The following CAP2 variants were observed in gnomAD, a reference collection of about 807,000 sequenced individuals.
CAP2 encodes the protein adenylyl cyclase-associated protein 2.
CAP2 carries 24 observed loss-of-function variants against 57.7 expected under a neutral mutation model. The observed-to-expected ratio is 0.42, with a 90% CI of 0.30 to 0.58. The LOEUF (loss-of-function observed/expected upper bound fraction) is 0.58. Among genes scored for constraint, CAP2 ranks in the 20% least tolerant of loss-of-function variants. The pLI is 0.22. For missense variants in CAP2, 501 were observed against 590.3 expected (o/e 0.85, Z 1.57); for synonymous variants, 194 against 207.2 (o/e 0.94, Z 0.55).
chr6:17,495,378 C>T (rs893119922), intron 4 of CAP2, among the ~76,000 whole-genome samples: 1 of 152,184 alleles, frequency 6.6e-6, no homozygotes, highest in African/African-American at 2.4e-5. Flanking sequence ...GCACAATTAT[C>T]TCATTTTATT....
chr6:17,431,795 T>G (rs1759744860), intron 3 of CAP2, among the ~76,000 whole-genome samples: 1 of 152,100 alleles, frequency 6.6e-6, no homozygotes, highest in Non-Finnish European at 1.5e-5. Flanking sequence ...CCTCTGTCTC[T>G]CAATAGCCCA....
intron 4 of CAP2, among the ~76,000 whole-genome samples, chr6:17,503,564 G>A (rs562432744): frequency 1.4e-3 from 203 of 148,682 alleles, no homozygotes; most frequent in African/African-American, 4.5e-3. Flanking sequence ...AGATCGTGCC[G>A]GTGCACTCCA....
intron 7 of CAP2, among the ~76,000 whole-genome samples, chr6:17,524,486 A>G (rs1255765457): frequency 2.0e-5 from 3 of 152,332 alleles, no homozygotes; most frequent in African/African-American, 7.2e-5. Context: ...GGTGTTAGAC[A>G]GCAGCTTCTA....
intron 3 of CAP2, among the ~76,000 whole-genome samples, chr6:17,438,431 G>GTGTTTTGTTTT (rs200676570): frequency 3.5e-5 from 3 of 85,486 alleles, no homozygotes; most frequent in African/African-American, 1.9e-4. Flanking sequence ...CCATCCAGAA[G>GTGTTTTGTTTT]TGTTTTTTTT....
At chr6:17,486,740 A>G (rs144080524) in intron 4 of CAP2, among the ~76,000 whole-genome samples, 53 of 152,360 alleles carry the variant, frequency 3.5e-4, no homozygotes, top group African/African-American at 1.3e-3. Flanking sequence ...GGATCTAAAC[A>G]TGTTTTCTCT....
intron 1 of CAP2, among the ~76,000 whole-genome samples, chr6:17,416,135 C>T (rs1383453032): frequency 9.5e-6 from 1 of 105,344 alleles, no homozygotes; most frequent in South Asian, 3.4e-4. Flanking sequence ...TTATGGTAAC[C>T]GCACATACAC....
intron 4 of CAP2, among the ~76,000 whole-genome samples, chr6:17,482,343 A>C (rs1337423235): frequency 6.6e-6 from 1 of 152,020 alleles, no homozygotes; most frequent in African/African-American, 2.4e-5. Flanking sequence ...CCCCGTCTCT[A>C]CTAAAAATAC....
chr6:17,442,575 G>GCCATGTGCTGTA (rs1249087340), intron 3 of CAP2, among the ~76,000 whole-genome samples: 8 of 152,122 alleles, frequency 5.3e-5, no homozygotes, highest in African/African-American at 1.9e-4. Context: ...TGTATCTACA[G>GCCATGTGCTGTA]CTCAGTCCAT....
intron 7 of CAP2, chr6:17,531,486 C>A: frequency 4.7e-6 from 7 of 1,486,972 alleles, no homozygotes; most frequent in Non-Finnish European, 6.5e-6. Context: ...TTCGCTTTTT[C>A]ATAGATAAGC....
chr6:17,510,624 G>A (rs1252633525), intron 6 of CAP2, among the ~76,000 whole-genome samples: 1 of 152,204 alleles, frequency 6.6e-6, no homozygotes, highest in Non-Finnish European at 1.5e-5. Context: ...TGTGCGGCAC[G>A]CATGAGAAAG....
chr6:17,482,138 G>A (rs185840993), intron 4 of CAP2, among the ~76,000 whole-genome samples: 3 of 152,086 alleles, frequency 2.0e-5, no homozygotes, highest in Non-Finnish European at 4.4e-5. Flanking sequence ...CTGTTTTGTA[G>A]GTGTATTCGT....
At chr6:17,450,499 G>T (rs1760375726) in intron 3 of CAP2, among the ~76,000 whole-genome samples, 1 of 152,202 alleles carries the variant, frequency 6.6e-6, no homozygotes, top group Admixed American at 6.5e-5. Flanking sequence ...TATGATAGAA[G>T]ATTCTAGGTC....
chr6:17,445,029 T>A (rs1359705257), intron 3 of CAP2, among the ~76,000 whole-genome samples: 2 of 152,336 alleles, frequency 1.3e-5, no homozygotes, highest in South Asian at 2.1e-4. Flanking sequence ...TATTGACTTA[T>A]AATCACTGAC....
intron 12 of CAP2, among the ~76,000 whole-genome samples, chr6:17,553,688 T>TA (rs1164462062): frequency 6.6e-6 from 1 of 150,686 alleles, no homozygotes; most frequent in East Asian, 2.0e-4. Flanking sequence ...CTTGTGGCCC[T>TA]CTTCACATGT....
At chr6:17,457,690 C>A (rs1760611177) in intron 3 of CAP2, among the ~76,000 whole-genome samples, 1 of 152,214 alleles carries the variant, frequency 6.6e-6, no homozygotes, top group Admixed American at 6.5e-5. Flanking sequence ...ACCTCAACTT[C>A]TATTGTTCCC....
At chr6:17,525,623 T>A (rs1374667925) in intron 7 of CAP2, among the ~76,000 whole-genome samples, 4 of 152,218 alleles carry the variant, frequency 2.6e-5, no homozygotes, top group African/African-American at 9.6e-5. Flanking sequence ...CTACCTTATA[T>A]GGCAGTTATT....
At chr6:17,511,230 C>T (rs1762138762) in intron 6 of CAP2, among the ~76,000 whole-genome samples, 2 of 152,122 alleles carry the variant, frequency 1.3e-5, no homozygotes, top group Admixed American at 1.3e-4. Flanking sequence ...AAGCAGCATA[C>T]TCCACACCAT....
chr6:17,541,148 G>T lies in CAP2; in HGVS notation c.1002G>T (p.Val334=). The change falls in exon 9 of 13, where the codon GTG becomes GTT. Residue 334 remains valine (V), a splice_region_variant and synonymous_variant. Coordinates refer to ENST00000229922, the MANE Select transcript of CAP2 (RefSeq NM_006366.3). ...AGTTGGAAGGAAAGAAATGGAGAGT[G>T]GTAAGTGAAGCATTTTAACCTTTAT... ...VLELEGKKWR[V]EYQEDRNDLV... The T allele has an allele frequency of 6.2e-7, 1 of 1,607,318 alleles. No homozygotes were observed. Among genetic ancestry groups the T allele is most frequent in the Non-Finnish European group, 8.5e-7 (1 of 1,175,792 alleles).
intron 12 of CAP2, among the ~76,000 whole-genome samples, chr6:17,551,844 C>T (rs916889277): frequency 6.6e-6 from 1 of 152,070 alleles, no homozygotes; most frequent in Non-Finnish European, 1.5e-5. Flanking sequence ...AATGGACCAG[C>T]GTTTATCAAA....
Sources: gnomAD v4.1 joint callset for allele counts (sites outside exome capture counted in the v4.1 genomes callset) on GRCh38, gnomAD v4.1.1 for gene constraint, MANE v1.5 for transcripts, NCBI Gene and HGNC (gene_info 2026-07-23, HGNC 2026-07-21) for gene names.